Variants in TFEB observed in about 807,000 individuals in gnomAD.
TFEB encodes the protein T-cell transcription factor EB.
Under a neutral mutation model 48.0 loss-of-function variants are expected in TFEB, and 12 were observed. That is an observed-to-expected ratio of 0.25 (90% confidence interval 0.16 to 0.40). TFEB has a LOEUF of 0.40. Among genes scored for constraint, TFEB ranks in the 10% least tolerant of loss-of-function variants. The pLI, the probability that TFEB is intolerant of heterozygous loss-of-function variation, is 1.00. For synonymous variants in TFEB, 244 were observed against 261.4 expected, an observed-to-expected ratio of 0.93 and a Z score of 0.64; for missense variants, 509 against 640.3, an observed-to-expected ratio of 0.79 and a Z score of 2.21.
rs772019309 is a variant in TFEB, at chr6:41,691,091, T to TTGCTGC, written c.117_122dup (p.Gln43_Gln44dup). 15 of 1,577,048 alleles carry TTGCTGC rather than the reference T, an allele frequency of 9.5e-6. No individual in the cohort carries two copies. The South Asian group carries it at 1.4e-4, about 14-fold the overall frequency. ...TGGGCGGCCCTCCGAGCTGCTGCTG[T>TTGCTGC]TGCTGCTGCTGCTGCTGCTGCATGT... On this transcript the variant is annotated inframe_insertion, in exon 2 of 9. Transcript: ENST00000373033. This position sits in a 1 kb window ranked among gnomAD's most constrained non-coding sequence, Gnocchi z 5.2.
At position 41,723,412 on chromosome 6, in the gene TFEB, C is replaced by G. The variant is rs1333913672; in HGVS notation, c.-23+11938G>C. ...ACATGGACACACATTCACACACATG[C>G]TCACACACATGCACACACTCACACA... On this transcript the variant is annotated intron_variant, in intron 1 of 8. Coordinates refer to ENST00000373033, the MANE Select transcript of TFEB (RefSeq NM_001271944.2). The surrounding 1 kb of genome is among the most constrained non-coding windows in gnomAD (Gnocchi z 6.0). 1 of 1,127,178 alleles carries G rather than the reference C, an allele frequency of 8.9e-7. No homozygotes were observed. Among genetic ancestry groups the G allele is most frequent in the Non-Finnish European group, 1.2e-6 (1 of 843,074 alleles). 69.8% of individuals were successfully genotyped at this position (1,127,178 alleles called of 1,614,324 possible). A position where few individuals can be genotyped will look rare whatever the true frequency, so the allele number is the denominator to read the frequency against.
At chr6:41,731,031 C>T (rs576294958) in intron 1 of TFEB, among the ~76,000 whole-genome samples, 1 of 152,292 alleles carries the variant, frequency 6.6e-6, no homozygotes, top group African/African-American at 2.4e-5. Context: ...GGTCTTTATT[C>T]CTTCCCTAGA....
Position 41,684,088 on chromosome 6 carries a change from G to A in TFEB, c.*511C>T, listed in dbSNP as rs1768857364. 4.3e-6 allele frequency: 1 copy of A among 231,894 alleles called. No individual in the cohort carries two copies. The highest frequency in any genetic ancestry group is 8.6e-6 in the Non-Finnish European group (1 of 116,932). The allele number at this position is 231,894 out of a possible 1,614,324, so 14.4% of individuals were successfully genotyped here. On this transcript the variant is annotated 3_prime_UTR_variant, in exon 9 of 9. Coordinates refer to ENST00000373033, the MANE Select transcript of TFEB (RefSeq NM_001271944.2). ...AGCCCCCGCGCTCACACCACCTGGTGGAGAGCTATTAGCACCAAAGTGGGG... is the reference window on the plus strand; with the variant it reads ...AGCCCCCGCGCTCACACCACCTGGTAGAGAGCTATTAGCACCAAAGTGGGG...
intron 1 of TFEB, among the ~76,000 whole-genome samples, chr6:41,708,649 G>T (rs1449509517): frequency 6.6e-6 from 1 of 152,196 alleles, no homozygotes; most frequent in Non-Finnish European, 1.5e-5. Flanking sequence ...GCTCCCTGGG[G>T]GAGCCTCCCA....
At chr6:41,714,124 TGC>T (rs1491051631) in intron 1 of TFEB, among the ~76,000 whole-genome samples, 1 of 130,716 alleles carries the variant, frequency 7.7e-6, no homozygotes. Flanking sequence ...TGTGTGTGTG[TGC>T]GTGTGCATGT....
rs1466833862 is a variant in TFEB at position 41,723,302 on chromosome 6, G to T, written c.-23+12048C>A. On this transcript the variant is annotated intron_variant, in intron 1 of 8. Coordinates refer to ENST00000373033, the MANE Select transcript of TFEB (RefSeq NM_001271944.2). The surrounding 1 kb of genome is among the most constrained non-coding windows in gnomAD (Gnocchi z 6.0). ...AGACATCCCAATGCCAGTGCAGCCTGAGGGGCCTCATCCCTACCCACCCAC... is the reference window on the plus strand; with the variant it reads ...AGACATCCCAATGCCAGTGCAGCCTTAGGGGCCTCATCCCTACCCACCCAC... 1.3e-5 allele frequency among the ~76,000 whole-genome samples: 2 copies of T among 149,860 alleles called. No individual in the cohort carries two copies. Among genetic ancestry groups the T allele is most frequent in the Non-Finnish European group, 3.0e-5 (2 of 67,598 alleles).
Position 41,722,943 on chromosome 6 carries a change from G to A in TFEB, c.-23+12407C>T, listed in dbSNP as rs192617790. Among the ~76,000 whole-genome samples the A allele has an allele frequency of 7.3e-4, 111 of 152,312 alleles. 1 individual carries two copies. Among genetic ancestry groups the A allele is most frequent in the South Asian group, 2.1e-3 (10 of 4,830 alleles). On this transcript the variant is annotated intron_variant, in intron 1 of 8. Coordinates refer to ENST00000373033, the MANE Select transcript of TFEB (RefSeq NM_001271944.2). The stretch of plus-strand genomic sequence containing the variant: ...CTGTCATCTCCATGTTACAGATGAG[G>A]AAGCAGAGGAGGATAACTTGCCAGC...
At chr6:41,722,973 T>C (rs1771044996) in intron 1 of TFEB, among the ~76,000 whole-genome samples, 1 of 152,172 alleles carries the variant, frequency 6.6e-6, no homozygotes, top group African/African-American at 2.4e-5. Flanking sequence ...GCCAGCATCA[T>C]GAAACTGCAA....
At chr6:41,717,559 T>G (rs1770792426) in intron 1 of TFEB, among the ~76,000 whole-genome samples, 1 of 152,168 alleles carries the variant, frequency 6.6e-6, no homozygotes, top group African/African-American at 2.4e-5. Flanking sequence ...GCAGCTGGGA[T>G]GAAGCCTTAT....
At chr6:41,707,053 G>T (rs1467113498) in intron 1 of TFEB, among the ~76,000 whole-genome samples, 1 of 152,070 alleles carries the variant, frequency 6.6e-6, no homozygotes, top group East Asian at 1.9e-4. Flanking sequence ...CCTCCTGCCT[G>T]CCCAGCCCCA....
At chr6:41,725,689 T>C (rs1045282916) in intron 1 of TFEB, among the ~76,000 whole-genome samples, 1 of 152,224 alleles carries the variant, frequency 6.6e-6, no homozygotes, top group African/African-American at 2.4e-5. Flanking sequence ...TATGCTTCTT[T>C]CCTTGTAAAT....
At chr6:41,695,556 C>G (rs1358606906) in intron 1 of TFEB, among the ~76,000 whole-genome samples, 1 of 152,146 alleles carries the variant, frequency 6.6e-6, no homozygotes, top group East Asian at 1.9e-4. Flanking sequence ...GGAACTCACT[C>G]AAGGTTACAC....
rs113693197 is a variant in TFEB, at chr6:41,726,886, G to T, written c.-23+8464C>A. 1.4e-4 allele frequency among the ~76,000 whole-genome samples: 22 copies of T among 152,212 alleles called. 1 individual carries two copies. The highest frequency in any genetic ancestry group is 4.8e-4 in the African/African-American group (20 of 41,532). On this transcript the variant is annotated intron_variant, in intron 1 of 8. Coordinates refer to ENST00000373033, the MANE Select transcript of TFEB (RefSeq NM_001271944.2). ...GTATTTTCTTCCCATACCTAGTTTCGCAAAACACTATAATTAGATCCAAAG... is the reference window on the plus strand; with the variant it reads ...GTATTTTCTTCCCATACCTAGTTTCTCAAAACACTATAATTAGATCCAAAG...
At position 41,686,163 on chromosome 6, in the gene TFEB, T is replaced by C. The variant is rs762944057; in HGVS notation, c.878A>G (p.Gln293Arg). The change falls in exon 8 of 9, where the codon CAA becomes CGA. Residue 293 changes from glutamine to arginine, a missense_variant. Gln to Arg is a conservative substitution (Grantham distance 43). Around this residue, in one of 4 missense-constraint regions of TFEB, gnomAD observed 62 missense variants for 90.2 expected, o/e 0.69. Transcript: ENST00000373033. ...DYIRRMQKDL[Q>R]KSRELENHSR... ...GTGGTTCTCCAGCTCCCTGGACTTTTGCAGGTCCTTCTGCATCCTCCGGAT... is the reference window on the plus strand; with the variant it reads ...GTGGTTCTCCAGCTCCCTGGACTTTCGCAGGTCCTTCTGCATCCTCCGGAT... The C allele has an allele frequency of 1.2e-6, 2 of 1,614,142 alleles. No individual in the cohort carries two copies. The highest frequency in any genetic ancestry group is 1.7e-6 in the Non-Finnish European group (2 of 1,180,046).
At chr6:41,694,792 T>C (rs903974199) in intron 1 of TFEB, among the ~76,000 whole-genome samples, 2 of 152,066 alleles carry the variant, frequency 1.3e-5, no homozygotes, top group Middle Eastern at 3.2e-3. Flanking sequence ...TCAGTAACAC[T>C]GGGGGCCTGG....
rs75230738 is a variant in TFEB at position 41,717,658 on chromosome 6, C to A, written c.-23+17692G>T. Among the ~76,000 whole-genome samples the A allele has an allele frequency of 6.5e-4, 99 of 152,288 alleles. 3 individuals carry two copies. The East Asian group carries it at 0.015, about 23-fold the overall frequency. ...AGCAATGCCCAGAAGGAAACAGACA[C>A]CCTCTAATGCTGGGAGCAAGCAGGA... On this transcript the variant is annotated intron_variant, in intron 1 of 8. Coordinates refer to ENST00000373033, the MANE Select transcript of TFEB (RefSeq NM_001271944.2).
At chr6:41,708,782 A>G (rs1444118942) in intron 1 of TFEB, among the ~76,000 whole-genome samples, 1 of 152,236 alleles carries the variant, frequency 6.6e-6, no homozygotes, top group Non-Finnish European at 1.5e-5. Context: ...GGTCAGAGTA[A>G]TGCAAGCTAG....
chr6:41,689,573 C>A (rs1314437639), intron 4 of TFEB, among the ~76,000 whole-genome samples, 158 bp downstream of exon 4: 2 of 152,202 alleles, frequency 1.3e-5, no homozygotes, highest in Non-Finnish European at 2.9e-5. Context: ...TGGCCCCGGC[C>A]TTTGTCACAT....
At chr6:41,692,268 A>G (rs1318725499) in intron 1 of TFEB, among the ~76,000 whole-genome samples, 1 of 152,158 alleles carries the variant, frequency 6.6e-6, no homozygotes, top group Non-Finnish European at 1.5e-5. Flanking sequence ...CTGCTATACC[A>G]TGGGACTCTG....
Sources: gnomAD v4.1 joint callset for allele counts (sites outside exome capture counted in the v4.1 genomes callset) on GRCh38, gnomAD v4.1.1 for gene constraint, gnomAD v4.1.1 regional missense constraint, Gnocchi (gnomAD v3.1) non-coding constraint, MANE v1.5 for transcripts, NCBI Gene and HGNC (gene_info 2026-07-23, HGNC 2026-07-21) for gene names.